TNIP3: variants seen among roughly 807,000 people sequenced by gnomAD.
TNIP3 encodes the protein TNFAIP3-interacting protein 3.
A neutral mutation model predicts 54.1 loss-of-function variants in TNIP3; 34 were observed. The observed-to-expected ratio is 0.63, with a 90% confidence interval of 0.48 to 0.84. The LOEUF is 0.84. TNIP3 is among the 40% of genes least tolerant of loss of function. The probability of loss-of-function intolerance (pLI) is 0.00; values close to 1 mark genes in which losing one functional copy is unlikely to be tolerated. For synonymous variants in TNIP3, 134 were observed against 136.8 expected (o/e 0.98, Z 0.14); for missense variants, 366 against 387.6 (o/e 0.94, Z 0.47).
chr4:121,161,106 C>T (rs775172042), intron 2 of TNIP3, 30 bp downstream of exon 2: 1 of 1,490,014 alleles, frequency 6.7e-7, no homozygotes. Context: ...TCCATGGCAC[C>T]TGTGGCTTTA....
intron 3 of TNIP3, among the ~76,000 whole-genome samples, chr4:121,178,968 G>A (rs1724526941): frequency 1.3e-5 from 2 of 152,162 alleles, no homozygotes; most frequent in African/African-American, 4.8e-5. Context: ...ATATAAAGAA[G>A]ATAAAGATGT....
chr4:121,152,015 A>G (rs962220887), intron 5 of TNIP3, among the ~76,000 whole-genome samples: 2 of 152,204 alleles, frequency 1.3e-5, no homozygotes, highest in Non-Finnish European at 2.9e-5. Flanking sequence ...GCCTGATAAA[A>G]ACAAACTCCT....
At position 121,185,485 on chromosome 4, in the gene TNIP3, C is replaced by T. The variant is rs141481636; in HGVS notation, c.69-2689G>A. The stretch of plus-strand genomic sequence containing the variant: ...TTTCTTATTTGTTTACTTTTCTCCT[C>T]CCTTGCCCCATCTATGTCCCAGGAA... On this transcript the variant is annotated intron_variant, in intron 2 of 12. Coordinates refer to the TNIP3 transcript ENST00000507879. 1.9e-3 allele frequency among the ~76,000 whole-genome samples: 293 copies of T among 152,228 alleles called. 2 individuals carry two copies. The highest frequency in any genetic ancestry group is 6.8e-3 in the Middle Eastern group (2 of 294).
At chr4:121,134,573 T>C (rs530515159) in intron 10 of TNIP3, among the ~76,000 whole-genome samples, 1 of 152,342 alleles carries the variant, frequency 6.6e-6, no homozygotes, top group South Asian at 2.1e-4. Context: ...CTCAAATGAC[T>C]TGAAAACATT....
chr4:121,163,440 C>T (rs1401243849), intron 1 of TNIP3, among the ~76,000 whole-genome samples: 10 of 152,084 alleles, frequency 6.6e-5, no homozygotes, highest in Non-Finnish European at 1.3e-4. Context: ...ACAGTTATTC[C>T]CTATACATAA....
intron 10 of TNIP3, among the ~76,000 whole-genome samples, chr4:121,135,949 T>C (rs1166695031): frequency 2.0e-5 from 3 of 152,146 alleles, no homozygotes; most frequent in African/African-American, 7.2e-5. Flanking sequence ...AAAGGAGGCA[T>C]AGGAATCCCA....
intron 2 of TNIP3, among the ~76,000 whole-genome samples, chr4:121,188,365 T>C (rs2148830931): frequency 6.6e-6 from 1 of 152,114 alleles, no homozygotes; most frequent in South Asian, 2.1e-4. Flanking sequence ...TTTCCCAGAC[T>C]AACATTGGGA....
upstream of TNIP3, among the ~76,000 whole-genome samples, chr4:121,168,889 G>C (rs1487508311): frequency 6.6e-6 from 1 of 152,140 alleles, no homozygotes; most frequent in Non-Finnish European, 1.5e-5. Context: ...ACTGATCTCT[G>C]ACTGTGTGTC....
In TNIP3 at chr4:121,164,279, TA is replaced by T; in HGVS notation, c.-155del. The T allele has an allele frequency of 1.4e-6, 2 of 1,446,444 alleles. No homozygotes were observed. The highest frequency in any genetic ancestry group is 1.8e-6 in the Non-Finnish European group (2 of 1,103,016). The allele number at this position is 1,446,444 out of a possible 1,614,324, so 89.6% of individuals were successfully genotyped here. A position where few individuals can be genotyped will look rare whatever the true frequency, so the allele number is the denominator to read the frequency against. ...GAAAATAACAGCAATAGGTTTTCAT[TA>T]AAAATGAACAGAAGTGACTGTGGAT... On this transcript the variant is annotated 5_prime_UTR_variant, in exon 1 of 11. Coordinates refer to ENST00000057513, the MANE Select transcript of TNIP3 (RefSeq NM_024873.6).
At chr4:121,137,630 T>G (rs1308908030) in intron 10 of TNIP3, 2 of 235,390 alleles carry the variant, frequency 8.5e-6, no homozygotes, top group Non-Finnish European at 8.5e-6. Context: ...CCCTCAGACT[T>G]GTAAAGTTCA....
rs559431491 is a variant in TNIP3 at position 121,159,712 on chromosome 4, T to C, written c.148-960A>G. Among the ~76,000 whole-genome samples the C allele has an allele frequency of 4.0e-4, 61 of 152,366 alleles. 1 individual carries two copies. Among genetic ancestry groups the C allele is most frequent in the African/African-American group, 1.3e-3 (55 of 41,594 alleles). ...CGTCATAGGACAATATTTAGATGCA[T>C]TTTAGGCTACAAATAATTTAAAGAT... On this transcript the variant is annotated intron_variant, in intron 2 of 10. Transcript: ENST00000057513.
intron 1 of TNIP3, among the ~76,000 whole-genome samples, chr4:121,223,214 T>A (rs1239043693): frequency 6.6e-6 from 1 of 152,236 alleles, no homozygotes; most frequent in Non-Finnish European, 1.5e-5. Flanking sequence ...TCCTGCTAAC[T>A]GTATCAGTTC....
At chr4:121,168,885 C>T (rs1730918652), upstream of TNIP3, among the ~76,000 whole-genome samples, 1 of 152,170 alleles carries the variant, frequency 6.6e-6, no homozygotes, top group Non-Finnish European at 1.5e-5. Context: ...AGTGACTGAT[C>T]TCTGACTGTG....
chr4:121,190,843 A>G (rs1725268843), intron 2 of TNIP3, among the ~76,000 whole-genome samples: 2 of 152,220 alleles, frequency 1.3e-5, no homozygotes, highest in African/African-American at 2.4e-5. Flanking sequence ...ATTAGATTTC[A>G]TGGGTAAGGT....
chr4:121,154,357 T>C (rs1236710953), intron 5 of TNIP3, 194 bp downstream of exon 5: 1 of 610,470 alleles, frequency 1.6e-6, no homozygotes, highest in African/African-American at 1.9e-5. Context: ...GGACAAAAAT[T>C]CTCTAAAGCC....
upstream of TNIP3, among the ~76,000 whole-genome samples, chr4:121,219,532 A>G (rs943528876): frequency 3.3e-5 from 5 of 152,184 alleles, no homozygotes; most frequent in Admixed American, 2.6e-4. Flanking sequence ...TGAAGGATAA[A>G]CTTACTTTTG....
chr4:121,142,449 C>T (rs1449313675), intron 8 of TNIP3, among the ~76,000 whole-genome samples: 1 of 152,140 alleles, frequency 6.6e-6, no homozygotes, highest in Non-Finnish European at 1.5e-5. Context: ...CATGAAATAC[C>T]AATGAAATCT....
chr4:121,158,816 A>C lies in TNIP3; in HGVS notation c.148-64T>G, dbSNP rs1730270011. 1.6e-5 allele frequency: 21 copies of C among 1,317,580 alleles called. No individual in the cohort carries two copies. The South Asian group carries it at 2.0e-4, about 12-fold the overall frequency. The allele number at this position is 1,317,580 out of a possible 1,614,324, so 81.6% of individuals were successfully genotyped here. A position where few individuals can be genotyped will look rare whatever the true frequency, so the allele number is the denominator to read the frequency against. ...CTGCCCATTTGGAAGTTTGGTCAAAAAGAAATTACTTTCTGAGCTTATTAA... is the reference window on the plus strand; with the variant it reads ...CTGCCCATTTGGAAGTTTGGTCAAACAGAAATTACTTTCTGAGCTTATTAA... On this transcript the variant is annotated intron_variant, in intron 2 of 10. Coordinates refer to ENST00000057513, the MANE Select transcript of TNIP3 (RefSeq NM_024873.6).
chr4:121,147,183 T>C lies in TNIP3; in HGVS notation c.610-9A>G. ...TCTTCGTATATTTGCACCTAAGAAA[T>C]ATTAGCTTGCTGTTACTGTAAGCTT... On this transcript the variant is annotated splice_polypyrimidine_tract_variant and intron_variant, in intron 6 of 10. Coordinates refer to ENST00000057513, the MANE Select transcript of TNIP3 (RefSeq NM_024873.6). The C allele has an allele frequency of 6.2e-7, 1 of 1,603,236 alleles. No individual in the cohort carries two copies. Among genetic ancestry groups the C allele is most frequent in the Non-Finnish European group, 8.5e-7 (1 of 1,176,518 alleles).
Sources: gnomAD v4.1 joint callset for allele counts (sites outside exome capture counted in the v4.1 genomes callset) on GRCh38, gnomAD v4.1.1 for gene constraint, MANE v1.5 for transcripts, NCBI Gene and HGNC (gene_info 2026-07-23, HGNC 2026-07-21) for gene names.